Variants in UACA observed in about 807,000 individuals in gnomAD.
UACA encodes uveal autoantigen with coiled-coil domains and ankyrin repeats.
In UACA, 112 loss-of-function variants were observed where a neutral mutation model predicts 160.5. The observed-to-expected ratio is 0.70, with a 90% CI of 0.60 to 0.82. The LOEUF is 0.82. Ranked by LOEUF, UACA falls within the 40% of genes least tolerant of loss-of-function variation. UACA has a pLI of 0.00. For missense variants in UACA, 1,574 were observed against 1,614.6 expected, an observed-to-expected ratio of 0.97 and a Z score of 0.43; for synonymous variants, 557 against 568.4, an observed-to-expected ratio of 0.98 and a Z score of 0.29.
At chr15:70,775,031 C>G in the UACA span, among the ~76,000 whole-genome samples, 1 of 152,010 alleles carries the variant, frequency 6.6e-6, no homozygotes. Context: ...AGCATTCCAG[C>G]CTGGGTAAAA....
chr15:70,767,841 A>G (rs1279582877), upstream of UACA, among the ~76,000 whole-genome samples: 1 of 152,186 alleles, frequency 6.6e-6, no homozygotes, highest in East Asian at 1.9e-4. Flanking sequence ...GGCTGGCAGA[A>G]CCACGTGTGG....
At chr15:70,771,646 A>T in the UACA span, among the ~76,000 whole-genome samples, 2 of 152,236 alleles carry the variant, frequency 1.3e-5, no homozygotes, top group African/African-American at 2.4e-5. Flanking sequence ...GGGAAAATAA[A>T]AAGGGTAATG....
chr15:70,750,014 C>T (rs755398497), intron 1 of UACA, among the ~76,000 whole-genome samples: 7 of 152,168 alleles, frequency 4.6e-5, no homozygotes, highest in Non-Finnish European at 1.0e-4. Context: ...TCACAAGGGG[C>T]TAGCAGGCTG....
intron 17 of UACA, among the ~76,000 whole-genome samples, chr15:70,663,845 A>T (rs940103169): frequency 8.0e-6 from 1 of 125,446 alleles, no homozygotes; most frequent in African/African-American, 3.0e-5. Flanking sequence ...CAGGAAGGGG[A>T]ACATCACACA....
At chr15:70,706,949 T>G (rs1468077018) in intron 1 of UACA, among the ~76,000 whole-genome samples, 4 of 152,092 alleles carry the variant, frequency 2.6e-5, no homozygotes, top group South Asian at 2.1e-4. Context: ...AATCCTAACA[T>G]TCACATGGAA....
chr15:70,687,936 G>A (rs16954672), intron 5 of UACA, 116 bp from the exon 6 acceptor site: 21,199 of 908,422 alleles, frequency 0.023, 292 homozygotes, highest in South Asian at 0.028. Flanking sequence ...CAAGCTTCAC[G>A]TCCTTCACTC....
upstream of UACA, among the ~76,000 whole-genome samples, chr15:70,767,747 C>G (rs2031051886): frequency 6.6e-6 from 1 of 152,116 alleles, no homozygotes; most frequent in Non-Finnish European, 1.5e-5. Context: ...CCGAGTAGCC[C>G]TGGGGACCCA....
chr15:70,709,821 T>G (rs1898628313), intron 1 of UACA, among the ~76,000 whole-genome samples: 1 of 152,232 alleles, frequency 6.6e-6, no homozygotes, highest in African/African-American at 2.4e-5. Context: ...CAACAAATCA[T>G]AGCTAAAATG....
chr15:70,744,452 T>G (rs553647427), intron 1 of UACA, among the ~76,000 whole-genome samples: 16 of 152,036 alleles, frequency 1.1e-4, no homozygotes, highest in Non-Finnish European at 1.9e-4. Flanking sequence ...AAATATTTGT[T>G]GAGTAAAGTT....
Position 70,664,688 on chromosome 15 carries a change from C to A in UACA, c.4087G>T (p.Val1363Leu). 6.2e-7 allele frequency: 1 copy of A among 1,611,530 alleles called. No homozygotes were observed. Among genetic ancestry groups the A allele is most frequent in the South Asian group, 1.1e-5 (1 of 90,690 alleles). The change falls in exon 17 of 19, where the codon GTG (valine) becomes TTG (leucine). Residue 1363 changes from valine (V) to leucine (L), a missense_variant. Coordinates refer to ENST00000322954, the MANE Select transcript of UACA (RefSeq NM_018003.4). ...SQLIDTLQHQ[V>L]KSLEQQLADA... ...GCCAGCTGTTGCTCCAGAGATTTCACTTGGTGCTGCAGAGTGTCAATCAGC... is the reference window on the plus strand; with the variant it reads ...GCCAGCTGTTGCTCCAGAGATTTCAATTGGTGCTGCAGAGTGTCAATCAGC...
At chr15:70,674,578 G>A (rs1897248871) in intron 13 of UACA, among the ~76,000 whole-genome samples, 1 of 152,024 alleles carries the variant, frequency 6.6e-6, no homozygotes, top group Non-Finnish European at 1.5e-5. Flanking sequence ...CAAATTGTTT[G>A]TCTAAAGCTA....
rs546118556 is a variant in UACA at position 70,718,757 on chromosome 15, C to A, written c.79-19097G>T. 2.6e-4 allele frequency among the ~76,000 whole-genome samples: 40 copies of A among 152,088 alleles called. No individual in the cohort carries two copies. The South Asian group carries it at 7.1e-3, about 27-fold the overall frequency. ...AAAATTTGGTACCAAAAGTGGGGTG[C>A]TACCTTAACAACAGCTACCACCAAA... On this transcript the variant is annotated intron_variant, in intron 1 of 18. Transcript: ENST00000322954.
intron 1 of UACA, among the ~76,000 whole-genome samples, chr15:70,715,454 A>G (rs1165579009): frequency 6.6e-6 from 1 of 152,222 alleles, no homozygotes; most frequent in Non-Finnish European, 1.5e-5. Context: ...AAACAAAAAT[A>G]GGTTCGCTAC....
intron 10 of UACA, among the ~76,000 whole-genome samples, chr15:70,678,931 T>C (rs62016912): frequency 0.038 from 5,815 of 152,224 alleles, 165 homozygotes; most frequent in South Asian, 0.13. Context: ...TTTTCTAAAA[T>C]AAACACAAAT....
the UACA span, among the ~76,000 whole-genome samples, chr15:70,772,388 G>A: frequency 6.6e-6 from 1 of 151,480 alleles, no homozygotes; most frequent in African/African-American, 2.4e-5. Context: ...AGCTACTTGG[G>A]AGGCTGAGGC....
At chr15:70,750,647 G>T (rs1008742858) in intron 1 of UACA, among the ~76,000 whole-genome samples, 1 of 152,114 alleles carries the variant, frequency 6.6e-6, no homozygotes, top group Admixed American at 6.6e-5. Context: ...TGGGAGGATC[G>T]CTTGAGCCCT....
At chr15:70,662,446 T>A (rs190564681) in intron 17 of UACA, among the ~76,000 whole-genome samples, 2 of 152,252 alleles carry the variant, frequency 1.3e-5, no homozygotes, top group Non-Finnish European at 2.9e-5. Flanking sequence ...CCAAGGTAAT[T>A]TATAGATTCA....
At chr15:70,763,594 G>A (rs2030916001), upstream of UACA, 4 of 1,185,924 alleles carry the variant, frequency 3.4e-6, no homozygotes, top group Admixed American at 4.2e-5. Flanking sequence ...GTAGCCAATT[G>A]ACCCGCTGCC....
intron 2 of UACA, among the ~76,000 whole-genome samples, chr15:70,696,665 T>C (rs1274962745): frequency 6.6e-6 from 1 of 152,186 alleles, no homozygotes; most frequent in Non-Finnish European, 1.5e-5. Flanking sequence ...TAAATCGCTA[T>C]AAGGCTGAGT....
Sources: gnomAD v4.1 joint callset for allele counts (sites outside exome capture counted in the v4.1 genomes callset) on GRCh38, gnomAD v4.1.1 for gene constraint, MANE v1.5 for transcripts, NCBI Gene and HGNC (gene_info 2026-07-23, HGNC 2026-07-21) for gene names.